Variants in CA10 observed in about 807,000 individuals in gnomAD.
The protein encoded by CA10 is carbonic anhydrase 10 (inactive), also known as carbonic anhydrase-related protein 10.
A neutral mutation model predicts 44.2 loss-of-function variants in CA10; 14 were observed. The observed-to-expected ratio is 0.32, with a 90% confidence interval of 0.21 to 0.50. The LOEUF (loss-of-function observed/expected upper bound fraction) is 0.50, where lower values mean the gene tolerates loss of function less well. Ranked by LOEUF, CA10 falls within the 20% of genes least tolerant of loss-of-function variation. The pLI, the probability that CA10 is intolerant of heterozygous loss-of-function variation, is 0.99. For synonymous variants in CA10, 159 were observed against 141.6 expected, an observed-to-expected ratio of 1.12 and a Z score of -0.87; for missense variants, 350 against 409.7, an observed-to-expected ratio of 0.85 and a Z score of 1.26.
intron 3 of CA10, among the ~76,000 whole-genome samples, chr17:51,846,801 G>T (rs940127239): frequency 6.6e-6 from 1 of 152,222 alleles, no homozygotes; most frequent in Non-Finnish European, 1.5e-5. Flanking sequence ...TCTGTGCTGG[G>T]TAGATATGTT....
chr17:52,131,486 A>G (rs1262915552), intron 1 of CA10, among the ~76,000 whole-genome samples: 1 of 152,242 alleles, frequency 6.6e-6, no homozygotes, highest in African/African-American at 2.4e-5. Context: ...CTATATGCAG[A>G]AAGTATTTTT....
chr17:51,997,589 T>C (rs1449294106), intron 2 of CA10, among the ~76,000 whole-genome samples: 3 of 152,074 alleles, frequency 2.0e-5, no homozygotes. Context: ...TTTGCAATCA[T>C]GCTCAGCAAA....
chr17:52,074,099 T>G (rs542311845), intron 1 of CA10, among the ~76,000 whole-genome samples: 1 of 152,330 alleles, frequency 6.6e-6, no homozygotes, highest in African/African-American at 2.4e-5. Flanking sequence ...ACAGTCATCA[T>G]AGGAGCCAGA....
chr17:52,071,797 C>T (rs77918461), intron 2 of CA10, among the ~76,000 whole-genome samples: 3,404 of 152,242 alleles, frequency 0.022, 116 homozygotes, highest in Admixed American at 0.096. Flanking sequence ...GGACCCTCCA[C>T]CTTGCTTCTG....
chr17:51,836,523 G>A (rs1055005624), intron 3 of CA10, among the ~76,000 whole-genome samples: 3 of 152,220 alleles, frequency 2.0e-5, no homozygotes, highest in African/African-American at 4.8e-5. Flanking sequence ...GCACAGGCAC[G>A]GGGCACTTGG....
At chr17:51,902,802 A>T (rs971223616) in intron 3 of CA10, among the ~76,000 whole-genome samples, 1 of 152,220 alleles carries the variant, frequency 6.6e-6, no homozygotes, top group Non-Finnish European at 1.5e-5. Flanking sequence ...CATTGATTGC[A>T]TGCAGAGAAC....
intron 3 of CA10, among the ~76,000 whole-genome samples, chr17:51,770,254 A>G (rs1378164768): frequency 6.6e-6 from 1 of 151,190 alleles, no homozygotes; most frequent in Non-Finnish European, 1.5e-5. Flanking sequence ...AAAGCTTTCC[A>G]GGCATGACTT....
chr17:52,045,528 C>T (rs1437842534), intron 2 of CA10, among the ~76,000 whole-genome samples: 1 of 151,696 alleles, frequency 6.6e-6, no homozygotes, highest in Admixed American at 6.6e-5. Context: ...GACATTAATA[C>T]CACAGAGCCA....
At chr17:51,857,255 T>C (rs1567863221) in intron 3 of CA10, among the ~76,000 whole-genome samples, 2 of 152,174 alleles carry the variant, frequency 1.3e-5, no homozygotes, top group South Asian at 2.1e-4. Context: ...TGTATTATTA[T>C]CCCGTTTTAC....
At chr17:51,977,031 C>T (rs960927940) in intron 2 of CA10, among the ~76,000 whole-genome samples, 11 of 151,564 alleles carry the variant, frequency 7.3e-5, no homozygotes, top group Non-Finnish European at 1.6e-4. Flanking sequence ...TGTGACCAAC[C>T]CTGTATACAT....
intron 3 of CA10, among the ~76,000 whole-genome samples, chr17:51,831,045 G>A (rs1184419201): frequency 1.3e-5 from 2 of 152,174 alleles, no homozygotes; most frequent in Admixed American, 1.3e-4. Flanking sequence ...GTGAGGGGGT[G>A]GCCATGTGTG....
chr17:52,064,709 G>T lies in CA10; in HGVS notation c.136+7610C>A, dbSNP rs969293898. Among the ~76,000 whole-genome samples, 4 of 152,140 alleles carry T rather than the reference G, an allele frequency of 2.6e-5. No individual in the cohort carries two copies. The South Asian group carries it at 8.3e-4, about 32-fold the overall frequency. ...AAAAGAAAAGGATGGAAAATAGCAA[G>T]CTGGGAGGGTTATTGACCTGGGTAA... On this transcript the variant is annotated intron_variant, in intron 2 of 8. Transcript: ENST00000451037.
At chr17:51,825,315 T>A (rs1010239102) in intron 3 of CA10, among the ~76,000 whole-genome samples, 3 of 152,166 alleles carry the variant, frequency 2.0e-5, no homozygotes, top group African/African-American at 7.2e-5. Context: ...CTTTTTTTTT[T>A]AACTCTGCTG....
intron 3 of CA10, among the ~76,000 whole-genome samples, chr17:51,923,404 C>G (rs1420394207): frequency 6.6e-6 from 1 of 152,202 alleles, no homozygotes; most frequent in African/African-American, 2.4e-5. Flanking sequence ...ACTTCTCACT[C>G]TATTAAAACA....
At chr17:52,057,952 G>C (rs1567718679) in intron 2 of CA10, among the ~76,000 whole-genome samples, 1 of 152,008 alleles carries the variant, frequency 6.6e-6, no homozygotes, top group Non-Finnish European at 1.5e-5. Context: ...CACTTGTGTT[G>C]ATTGGCCAGA....
At chr17:51,762,276 A>G (rs1003493211) in intron 3 of CA10, 1 of 152,404 alleles carries the variant, frequency 6.6e-6, no homozygotes, top group Non-Finnish European at 1.5e-5. Context: ...GTCCATGGGT[A>G]CTGGGGCATT....
intron 6 of CA10, among the ~76,000 whole-genome samples, chr17:51,639,065 C>A (rs923262376): frequency 5.9e-5 from 9 of 152,052 alleles, no homozygotes; most frequent in Non-Finnish European, 2.9e-5. Context: ...TGGACTTCAT[C>A]CGGAGGCAAT....
chr17:52,126,750 A>C (rs995944901), intron 1 of CA10, among the ~76,000 whole-genome samples: 1 of 152,212 alleles, frequency 6.6e-6, no homozygotes, highest in Non-Finnish European at 1.5e-5. Flanking sequence ...ATATTAAATC[A>C]TTACCCATGA....
intron 2 of CA10, among the ~76,000 whole-genome samples, chr17:51,980,154 A>T (rs182773262): frequency 6.6e-6 from 1 of 152,174 alleles, no homozygotes; most frequent in South Asian, 2.1e-4. Context: ...CCAACAGTGT[A>T]TAAGTGTTTC....
Sources: allele counts gnomAD v4.1 joint callset (sites outside exome capture counted in the v4.1 genomes callset), GRCh38; gene constraint gnomAD v4.1.1; transcripts MANE v1.5; gene names NCBI Gene and HGNC (gene_info 2026-07-23, HGNC 2026-07-21).